PHACTR1: variants seen among roughly 807,000 people sequenced by gnomAD.
PHACTR1 encodes RPEL repeat containing 1.
Under a neutral mutation model 69.2 loss-of-function variants are expected in PHACTR1, and 16 were observed. The observed-to-expected ratio is 0.23, with a 90% CI of 0.16 to 0.35. PHACTR1 has a LOEUF of 0.35. Ranked by LOEUF, PHACTR1 falls within the 10% of genes least tolerant of loss-of-function variation. PHACTR1 has a pLI of 1.00. For synonymous variants in PHACTR1, 312 were observed against 284.5 expected (o/e 1.10, Z -0.97); for missense variants, 510 against 734.7 (o/e 0.69, Z 3.54).
chr6:13,076,381 C>T (rs180812366), intron 5 of PHACTR1, among the ~76,000 whole-genome samples: 30 of 152,264 alleles, frequency 2.0e-4, no homozygotes, highest in Admixed American at 1.5e-3. Context: ...CTGGGAAATA[C>T]GAATGCCTTG....
At chr6:12,756,153 A>C (rs751131411) in intron 4 of PHACTR1, among the ~76,000 whole-genome samples, 1 of 152,148 alleles carries the variant, frequency 6.6e-6, no homozygotes, top group South Asian at 2.1e-4. Context: ...ATTCATGATC[A>C]TTATTTAGTG....
chr6:13,114,458 G>A (rs1393183282), intron 5 of PHACTR1, among the ~76,000 whole-genome samples: 1 of 152,056 alleles, frequency 6.6e-6, no homozygotes, highest in Admixed American at 6.6e-5. Context: ...CAAGGGAAAC[G>A]TTCTTCTATT....
intron 4 of PHACTR1, among the ~76,000 whole-genome samples, chr6:12,752,021 T>A (rs1766684323): frequency 6.6e-6 from 1 of 152,120 alleles, no homozygotes; most frequent in South Asian, 2.1e-4. Flanking sequence ...TACCAAAAAC[T>A]TTTTCATCCC....
chr6:12,946,005 A>C (rs114287675), intron 4 of PHACTR1, among the ~76,000 whole-genome samples: 2,123 of 149,506 alleles, frequency 0.014, 54 homozygotes, highest in South Asian at 0.11. Flanking sequence ...ATAAATGCTA[A>C]AGTTCATGAA....
chr6:13,031,812 C>G (rs914150753), intron 4 of PHACTR1, among the ~76,000 whole-genome samples: 1 of 152,096 alleles, frequency 6.6e-6, no homozygotes, highest in African/African-American at 2.4e-5. Context: ...CACCTTTGCC[C>G]AAGGAATACA....
chr6:13,227,620 C>T (rs1027944835), intron 8 of PHACTR1, among the ~76,000 whole-genome samples, 196 bp from the exon 9 acceptor site: 3 of 152,124 alleles, frequency 2.0e-5, no homozygotes, highest in African/African-American at 7.2e-5. Context: ...GAAACCGTGC[C>T]ATCTTAGCCA....
In PHACTR1 at chr6:13,144,851, G is replaced by A. The variant is rs533410248; in HGVS notation, c.416-15353G>A. On this transcript the variant is annotated intron_variant, in intron 5 of 14. Coordinates refer to ENST00000332995, the MANE Select transcript of PHACTR1 (RefSeq NM_030948.6). ...AGAGCAATTGAAGAACCAAGTTAAAGGATGTATACTACTAGATGTTCAGTC... is the reference window on the plus strand; with the variant it reads ...AGAGCAATTGAAGAACCAAGTTAAAAGATGTATACTACTAGATGTTCAGTC... 3.3e-5 allele frequency among the ~76,000 whole-genome samples: 5 copies of A among 151,848 alleles called. No individual in the cohort carries two copies. In the East Asian group the frequency reaches 9.7e-4, roughly 29 times the overall value.
intron 5 of PHACTR1, among the ~76,000 whole-genome samples, chr6:13,082,837 G>T (rs1292393533): frequency 2.0e-5 from 3 of 152,134 alleles, no homozygotes; most frequent in Non-Finnish European, 4.4e-5. Flanking sequence ...GTAGATTCTG[G>T]ATATTAGCCC....
chr6:13,280,720 A>T (rs1779968493), intron 12 of PHACTR1: 3 of 329,710 alleles, frequency 9.1e-6, no homozygotes, highest in South Asian at 7.1e-5. Flanking sequence ...TTGTCTTTTT[A>T]AAAAAGACAT....
chr6:12,978,604 C>T (rs371639095), intron 4 of PHACTR1, among the ~76,000 whole-genome samples: 64 of 152,350 alleles, frequency 4.2e-4, no homozygotes, highest in African/African-American at 1.5e-3. Flanking sequence ...GTCTTAACAT[C>T]TGGGATACGT....
At chr6:13,227,519 A>G (rs1488362582) in intron 8 of PHACTR1, among the ~76,000 whole-genome samples, 1 of 152,100 alleles carries the variant, frequency 6.6e-6, no homozygotes, top group African/African-American at 2.4e-5. Flanking sequence ...CAACCATCAC[A>G]CCACCCACGA....
At chr6:12,827,144 T>G (rs574446669) in intron 4 of PHACTR1, among the ~76,000 whole-genome samples, 1 of 152,204 alleles carries the variant, frequency 6.6e-6, no homozygotes, top group South Asian at 2.1e-4. Context: ...TGGCTAACAT[T>G]CCCGGAGTTT....
chr6:13,190,196 G>GTTTTGTTTTT (rs1220683843), intron 7 of PHACTR1, among the ~76,000 whole-genome samples: 5 of 31,848 alleles, frequency 1.6e-4, no homozygotes, highest in African/African-American at 5.2e-4. Context: ...GCTAATTTTT[G>GTTTTGTTTTT]TATTTTTTTT....
chr6:13,198,742 C>T (rs927416505), intron 7 of PHACTR1, among the ~76,000 whole-genome samples: 6 of 152,160 alleles, frequency 3.9e-5, no homozygotes, highest in East Asian at 1.9e-4. Flanking sequence ...TGCAGGCCGC[C>T]GGTTGGACAA....
chr6:12,786,571 G>T (rs2127653421), intron 4 of PHACTR1, among the ~76,000 whole-genome samples: 1 of 152,254 alleles, frequency 6.6e-6, no homozygotes, highest in Middle Eastern at 3.4e-3. Context: ...CTTGTAATCA[G>T]AATTAACTGA....
chr6:12,784,285 C>A (rs1196307430), intron 4 of PHACTR1, among the ~76,000 whole-genome samples: 7 of 151,702 alleles, frequency 4.6e-5, no homozygotes, highest in Admixed American at 4.6e-4. Flanking sequence ...ATACTATATA[C>A]ATGCACACAC....
At chr6:12,757,357 A>G (rs1286884365) in intron 4 of PHACTR1, among the ~76,000 whole-genome samples, 2 of 152,114 alleles carry the variant, frequency 1.3e-5, no homozygotes, top group Non-Finnish European at 2.9e-5. Flanking sequence ...TTGAGAAGGA[A>G]TGGGGACTAG....
intron 4 of PHACTR1, among the ~76,000 whole-genome samples, chr6:12,905,454 C>T (rs1287764622): frequency 6.6e-6 from 1 of 152,170 alleles, no homozygotes; most frequent in Non-Finnish European, 1.5e-5. Context: ...CAAAATTTGT[C>T]GAACACATCC....
At chr6:13,094,078 G>T (rs1380493350) in intron 5 of PHACTR1, among the ~76,000 whole-genome samples, 1 of 151,906 alleles carries the variant, frequency 6.6e-6, no homozygotes, top group Non-Finnish European at 1.5e-5. Context: ...TCAGTATGTT[G>T]CCCAGGCTGG....
Sources: gnomAD v4.1 joint callset for allele counts (sites outside exome capture counted in the v4.1 genomes callset) on GRCh38, gnomAD v4.1.1 for gene constraint, MANE v1.5 for transcripts, NCBI Gene and HGNC (gene_info 2026-07-23, HGNC 2026-07-21) for gene names.